EIF3L: variants seen among roughly 807,000 people sequenced by gnomAD.
The protein encoded by EIF3L is eukaryotic translation initiation factor 3 subunit L, also known as eIEF associated protein HSPC021.
A neutral mutation model predicts 74.6 loss-of-function variants in EIF3L; 32 were observed. The observed-to-expected ratio is 0.43, with a 90% CI of 0.32 to 0.58. The LOEUF is 0.58. Among genes scored for constraint, EIF3L ranks in the 20% least tolerant of loss-of-function variants. The pLI, the probability that EIF3L is intolerant of heterozygous loss-of-function variation, is 0.06. For synonymous variants in EIF3L, 256 were observed against 254.4 expected, an observed-to-expected ratio of 1.01 and a Z score of -0.06; for missense variants, 474 against 707.8, an observed-to-expected ratio of 0.67 and a Z score of 3.75.
At chr22:37,872,191 C>G (rs923138453) in intron 8 of EIF3L, among the ~76,000 whole-genome samples, 10 of 151,666 alleles carry the variant, frequency 6.6e-5, no homozygotes, top group Non-Finnish European at 1.5e-4. Context: ...GATCTCAGTT[C>G]ACTGCATCCT....
intron 11 of EIF3L, chr22:37,884,901 C>CTTTTTTT (rs10605799): frequency 2.8e-5 from 1 of 36,030 alleles, no homozygotes; most frequent in East Asian, 1.2e-3. Context: ...CATGTCAAGC[C>CTTTTTTT]TTTTTTTTTT....
chr22:37,873,303 GT>G (rs373464512), intron 8 of EIF3L, among the ~76,000 whole-genome samples: 55 of 129,864 alleles, frequency 4.2e-4, no homozygotes, highest in East Asian at 2.4e-3. Context: ...AGTTTTTTTT[GT>G]TTTTTTTTTT....
intron 7 of EIF3L, among the ~76,000 whole-genome samples, chr22:37,867,485 C>T (rs1044922896): frequency 6.6e-6 from 1 of 151,748 alleles, no homozygotes; most frequent in Non-Finnish European, 1.5e-5. Context: ...ATGGTGAAAC[C>T]CCGTCTCTAC....
In EIF3L at chr22:37,863,261, C is replaced by G. The variant is rs1601763165; in HGVS notation, c.506-11C>G. ...GCTTTGAATCTGACTTTTCTGTGAT[C>G]TCCTGCACAGATGCCGATGGTCCTG... On this transcript the variant is annotated splice_polypyrimidine_tract_variant and intron_variant, in intron 6 of 12. Transcript: ENST00000652021. The G allele has an allele frequency of 1.9e-6, 3 of 1,610,168 alleles. No individual in the cohort carries two copies. The highest frequency in any genetic ancestry group is 1.1e-5 in the South Asian group (1 of 90,758).
chr22:37,878,420 A>T (rs1926868472), intron 11 of EIF3L: 1 of 229,776 alleles, frequency 4.4e-6, no homozygotes, highest in Non-Finnish European at 7.8e-6. Flanking sequence ...TCTCTATTAA[A>T]AAAAAAAAAA....
At chr22:37,863,391 A>G (rs1433781608) in intron 7 of EIF3L, 46 bp downstream of exon 7, 3 of 1,451,270 alleles carry the variant, frequency 2.1e-6, no homozygotes, top group East Asian at 2.3e-5. Flanking sequence ...GGTCCATGCC[A>G]GGAATAGCTG....
rs182226385 is a variant in EIF3L at position 37,856,366 on chromosome 22, C to T, written c.373+722C>T. On this transcript the variant is annotated intron_variant, in intron 4 of 12. Coordinates refer to ENST00000652021, the MANE Select transcript of EIF3L (RefSeq NM_016091.4). The stretch of plus-strand genomic sequence containing the variant: ...TGCTAGGATTATAGGCATGAGCCAC[C>T]GCACCCAGCCTGCCCAGCTAATTTT... 5.9e-3 allele frequency among the ~76,000 whole-genome samples: 893 copies of T among 152,178 alleles called. 7 individuals carry two copies. The highest frequency in any genetic ancestry group is 0.02 in the African/African-American group (847 of 41,510).
At chr22:37,849,849 C>CAT (rs113915403) in intron 1 of EIF3L, 166 bp from the exon 2 acceptor site, 11 of 715,582 alleles carry the variant, frequency 1.5e-5, no homozygotes, top group African/African-American at 1.4e-4. Flanking sequence ...TTGTCATTGT[C>CAT]TGTTTACTGT....
intron 9 of EIF3L, among the ~76,000 whole-genome samples, chr22:37,875,179 G>A (rs1926679125): frequency 6.7e-6 from 1 of 148,648 alleles, no homozygotes; most frequent in South Asian, 2.3e-4. Flanking sequence ...GACCAGCCTG[G>A]CCAACATGGT....
intron 10 of EIF3L, 170 bp from the exon 11 acceptor site, chr22:37,877,504 A>T (rs1353251976): frequency 2.7e-6 from 2 of 734,662 alleles, no homozygotes; most frequent in African/African-American, 1.8e-5. Context: ...GATGGAAGTT[A>T]GGTAGATCTA....
At chr22:37,865,719 G>A (rs1926114689) in intron 7 of EIF3L, among the ~76,000 whole-genome samples, 1 of 152,196 alleles carries the variant, frequency 6.6e-6, no homozygotes, top group Non-Finnish European at 1.5e-5. Context: ...GCCTTTCATA[G>A]CAAAGGCCAC....
At chr22:37,867,222 T>G (rs1256247061) in intron 7 of EIF3L, among the ~76,000 whole-genome samples, 5 of 152,042 alleles carry the variant, frequency 3.3e-5, no homozygotes, top group African/African-American at 1.2e-4. Context: ...AGATGGGGTC[T>G]TGAAATCCTG....
chr22:37,876,482 G>C (rs887879549), intron 10 of EIF3L: 1 of 152,266 alleles, frequency 6.6e-6, no homozygotes, highest in Non-Finnish European at 1.5e-5. Flanking sequence ...TGTATTTTTA[G>C]TAGAGATGGG....
intron 5 of EIF3L, among the ~76,000 whole-genome samples, chr22:37,861,426 C>T (rs767624855): frequency 3.9e-5 from 6 of 152,292 alleles, no homozygotes; most frequent in South Asian, 2.1e-4. Context: ...TGGCTTACGC[C>T]TGTAATCCCA....
rs756642798 is a variant in EIF3L at position 37,849,424 on chromosome 22, C to A, written c.-26C>A. ...CGCGGGCCGCTCATTTCGCTCTTTC[C>A]GGCGGTGCTCGCAAGCGAGGCAGCC... On this transcript the variant is annotated 5_prime_UTR_variant, in exon 1 of 13. Coordinates refer to ENST00000652021, the MANE Select transcript of EIF3L (RefSeq NM_016091.4). 4.3e-6 allele frequency: 7 copies of A among 1,613,850 alleles called. No homozygotes were observed. Among genetic ancestry groups the A allele is most frequent in the Middle Eastern group, 1.6e-4 (1 of 6,078 alleles).
At position 37,889,290 on chromosome 22, in the gene EIF3L, ATCTGCCCATC is replaced by A. The variant is rs1927472175; in HGVS notation, c.*833_*842del. ...TGGTCTCAGATTTCCTGACCTCGTG[ATCTGCCCATC>A]TCTGCCTCCTAAAGTACTGGGATTA... On this transcript the variant is annotated 3_prime_UTR_variant, in exon 13 of 13. Coordinates refer to ENST00000652021, the MANE Select transcript of EIF3L (RefSeq NM_016091.4). 1.3e-5 allele frequency: 2 copies of A among 151,952 alleles called. No homozygotes were observed. Among genetic ancestry groups the A allele is most frequent in the Non-Finnish European group, 2.9e-5 (2 of 67,966 alleles). 9.4% of individuals were successfully genotyped at this position (151,952 alleles called of 1,614,324 possible).
intron 7 of EIF3L, among the ~76,000 whole-genome samples, chr22:37,868,970 T>G (rs963648299): frequency 6.6e-6 from 1 of 151,984 alleles, no homozygotes; most frequent in Non-Finnish European, 1.5e-5. Flanking sequence ...AGAGATGGGG[T>G]TTCACCATGT....
chr22:37,849,441 G>A lies in EIF3L; in HGVS notation c.-9G>A, dbSNP rs1426494569. The A allele has an allele frequency of 6.2e-7, 1 of 1,613,726 alleles. No homozygotes were observed. The highest frequency in any genetic ancestry group is 1.3e-5 in the African/African-American group (1 of 74,938). On this transcript the variant is annotated 5_prime_UTR_variant, in exon 1 of 13. Coordinates refer to ENST00000652021, the MANE Select transcript of EIF3L (RefSeq NM_016091.4). ...GCTCTTTCCGGCGGTGCTCGCAAGC[G>A]AGGCAGCCATGTCTTATCCCGCTGA... is the stretch of plus-strand genomic sequence containing the variant.
chr22:37,862,433 CTA>C (rs1160075441), intron 5 of EIF3L, among the ~76,000 whole-genome samples: 16 of 152,194 alleles, frequency 1.1e-4, no homozygotes, highest in African/African-American at 2.4e-4. Flanking sequence ...ATCTGTTCAG[CTA>C]TGTCTTTGTG....
Sources: gnomAD v4.1 joint callset for allele counts (sites outside exome capture counted in the v4.1 genomes callset) on GRCh38, gnomAD v4.1.1 for gene constraint, MANE v1.5 for transcripts, NCBI Gene and HGNC (gene_info 2026-07-23, HGNC 2026-07-21) for gene names.